ARHGAP40: variants seen among roughly 807,000 people sequenced by gnomAD.
ARHGAP40 encodes Rho GTPase activating protein 40.
In ARHGAP40, 43 loss-of-function variants were observed where a neutral mutation model predicts 73.5. That is an observed-to-expected ratio of 0.58 (90% confidence interval 0.46 to 0.75). The LOEUF is 0.75. ARHGAP40 is among the 30% of genes least tolerant of loss of function. The pLI, the probability that ARHGAP40 is intolerant of heterozygous loss-of-function variation, is 0.00. For synonymous variants in ARHGAP40, 300 were observed against 352.8 expected, an observed-to-expected ratio of 0.85 and a Z score of 1.68; for missense variants, 734 against 861.8, an observed-to-expected ratio of 0.85 and a Z score of 1.86.
chr20:38,622,966 G>A (rs2088880772), intron 1 of ARHGAP40, among the ~76,000 whole-genome samples: 1 of 152,186 alleles, frequency 6.6e-6, no homozygotes, highest in Non-Finnish European at 1.5e-5. Flanking sequence ...AAGTGTGAGG[G>A]AAGGAGACAG....
At chr20:38,645,843 C>T (rs1327868183) in intron 11 of ARHGAP40, among the ~76,000 whole-genome samples, 1 of 152,184 alleles carries the variant, frequency 6.6e-6, no homozygotes, top group Non-Finnish European at 1.5e-5. Flanking sequence ...TCAGGGTCCC[C>T]TACTCCAAGG....
At chr20:38,621,380 C>T (rs1448950058) in intron 1 of ARHGAP40, among the ~76,000 whole-genome samples, 1 of 152,200 alleles carries the variant, frequency 6.6e-6, no homozygotes, top group Non-Finnish European at 1.5e-5. Flanking sequence ...CAACCCAAAT[C>T]TCCATCAAAA....
chr20:38,617,954 C>T (rs1159219741), intron 1 of ARHGAP40, among the ~76,000 whole-genome samples: 1 of 152,190 alleles, frequency 6.6e-6, no homozygotes, highest in Non-Finnish European at 1.5e-5. Flanking sequence ...ACTACACTGC[C>T]CCAGGTAGTC....
chr20:38,646,109 G>A lies in ARHGAP40; in HGVS notation c.1632G>A (p.Gln544=), dbSNP rs992556153. The change falls in exon 12 of 15, where the codon CAG becomes CAA. Residue 544 remains glutamine, a synonymous_variant. Transcript: ENST00000373345. The surrounding 1 kb of genome is among the most constrained non-coding windows in gnomAD (Gnocchi z 4.5). ...ACGACAGTAGCAGCAGGCGCCCCCA[G>A]CTCTGCGACGCAGGCCTCAAGACTT... 4.6e-6 allele frequency: 6 copies of A among 1,304,128 alleles called. No homozygotes were observed. The African/African-American group carries it at 9.1e-5, about 20-fold the overall frequency. 80.8% of individuals were successfully genotyped at this position (1,304,128 alleles called of 1,614,324 possible).
At chr20:38,630,180 T>C (rs2088930178) in intron 5 of ARHGAP40, among the ~76,000 whole-genome samples, 1 of 141,466 alleles carries the variant, frequency 7.1e-6, no homozygotes, top group African/African-American at 2.6e-5. Context: ...CCTTCCTTCT[T>C]TCCTTCCTTC....
chr20:38,634,710 A>T (rs1287259863), exon 6 of ARHGAP40: 1 of 1,305,210 alleles, frequency 7.7e-7, no homozygotes, highest in Non-Finnish European at 1.0e-6. Flanking sequence ...TCTGGCCCTC[A>T]TAGAGCTGAC....
intron 3 of ARHGAP40, among the ~76,000 whole-genome samples, 185 bp downstream of exon 3, chr20:38,627,400 G>GTTGGGGTGTGTGTGTT (rs1435666853): frequency 2.3e-5 from 3 of 130,714 alleles, no homozygotes; most frequent in African/African-American, 8.5e-5. Flanking sequence ...GTGTGTGTGT[G>GTTGGGGTGTGTGTGTT]TTGGGGTATG....
Sources: allele counts gnomAD v4.1 joint callset (sites outside exome capture counted in the v4.1 genomes callset), GRCh38; gene constraint gnomAD v4.1.1; non-coding constraint Gnocchi (gnomAD v3.1); transcripts MANE v1.5; gene names NCBI Gene and HGNC (gene_info 2026-07-23, HGNC 2026-07-21).